Variants in CTNNA2 observed in about 807,000 individuals in gnomAD.
CTNNA2 encodes the protein catenin alpha-2.
A neutral mutation model predicts 101.0 loss-of-function variants in CTNNA2; 42 were observed. The ratio of observed to expected loss-of-function variants is 0.42; its 90% CI spans 0.32 to 0.54. CTNNA2 has a LOEUF of 0.54. Among genes scored for constraint, CTNNA2 ranks in the 20% least tolerant of loss-of-function variants. The pLI, the probability that CTNNA2 is intolerant of heterozygous loss-of-function variation, is 0.14. For synonymous variants in CTNNA2, 450 were observed against 456.4 expected (o/e 0.99, Z 0.18); for missense variants, 871 against 1,223.1 (o/e 0.71, Z 4.29).
At chr2:80,199,181 A>AG (rs1197956448) in intron 7 of CTNNA2, among the ~76,000 whole-genome samples, 2 of 89,960 alleles carry the variant, frequency 2.2e-5, no homozygotes, top group African/African-American at 9.6e-5. Flanking sequence ...ACTCCATCTC[A>AG]GAAAAAAAAA....
At chr2:80,043,636 G>A (rs1696327580) in intron 7 of CTNNA2, among the ~76,000 whole-genome samples, 1 of 152,168 alleles carries the variant, frequency 6.6e-6, no homozygotes, top group African/African-American at 2.4e-5. Context: ...ACCCTTAGAA[G>A]GTTCAGATGG....
intron 4 of CTNNA2, among the ~76,000 whole-genome samples, chr2:79,498,752 G>T (rs887854057): frequency 3.3e-5 from 5 of 152,144 alleles, no homozygotes; most frequent in Admixed American, 1.3e-4. Context: ...GGCTCACGTT[G>T]TATACTAATC....
chr2:80,099,759 A>AT (rs1308965311), intron 7 of CTNNA2, among the ~76,000 whole-genome samples: 1 of 151,628 alleles, frequency 6.6e-6, no homozygotes, highest in Non-Finnish European at 1.5e-5. Context: ...TTCCTTCAAA[A>AT]AAAAAAAAAA....
intron 7 of CTNNA2, among the ~76,000 whole-genome samples, chr2:79,997,155 T>TAACA (rs1558712811): frequency 6.6e-6 from 1 of 152,130 alleles, no homozygotes; most frequent in Non-Finnish European, 1.5e-5. Context: ...GCATCTCTGC[T>TAACA]AACACCCTGG....
chr2:79,858,665 T>C (rs112084580), intron 4 of CTNNA2, among the ~76,000 whole-genome samples: 1 of 152,152 alleles, frequency 6.6e-6, no homozygotes, highest in Non-Finnish European at 1.5e-5. Flanking sequence ...TTTTGAATCA[T>C]ATATTGGCAA....
At chr2:80,007,765 G>A (rs1434322123) in intron 7 of CTNNA2, among the ~76,000 whole-genome samples, 2 of 152,166 alleles carry the variant, frequency 1.3e-5, no homozygotes, top group African/African-American at 2.4e-5. Context: ...GTAAGGGGAG[G>A]TGTATTCACT....
chr2:79,487,673 C>T (rs1043581709), intron 4 of CTNNA2, among the ~76,000 whole-genome samples: 3 of 152,120 alleles, frequency 2.0e-5, no homozygotes, highest in South Asian at 2.1e-4. Context: ...CCATTTAACA[C>T]GATCAGCTCA....
At chr2:80,619,481 C>G (rs1435212914) in intron 18 of CTNNA2, among the ~76,000 whole-genome samples, 4 of 151,836 alleles carry the variant, frequency 2.6e-5, no homozygotes, top group African/African-American at 7.3e-5. Flanking sequence ...TCTTTCTTCC[C>G]ATTGGGACTG....
chr2:79,840,735 TCAGCCCAGGC>T (rs1679731286), intron 3 of CTNNA2, among the ~76,000 whole-genome samples: 1 of 149,824 alleles, frequency 6.7e-6, no homozygotes, highest in Non-Finnish European at 1.5e-5. Context: ...GAGTCTGAGA[TCAGCCCAGGC>T]AGGACAGCGA....
At chr2:79,933,675 G>A (rs956996746) in intron 7 of CTNNA2, among the ~76,000 whole-genome samples, 3 of 151,922 alleles carry the variant, frequency 2.0e-5, no homozygotes, top group Non-Finnish European at 4.4e-5. Context: ...GGCTGGTCTC[G>A]AACTCCTGAC....
At chr2:79,302,044 G>A (rs1417311195) in intron 2 of CTNNA2, among the ~76,000 whole-genome samples, 1 of 152,062 alleles carries the variant, frequency 6.6e-6, no homozygotes, top group Non-Finnish European at 1.5e-5. Context: ...AGTGAGCCGA[G>A]GCTGCACAAC....
At chr2:79,194,780 T>C (rs1673937204) in intron 1 of CTNNA2, among the ~76,000 whole-genome samples, 1 of 152,194 alleles carries the variant, frequency 6.6e-6, no homozygotes, top group Non-Finnish European at 1.5e-5. Context: ...GAAATTTGAG[T>C]GGTTCACAAA....
At chr2:80,285,778 C>A (rs539782051) in intron 7 of CTNNA2, among the ~76,000 whole-genome samples, 115 of 152,278 alleles carry the variant, frequency 7.6e-4, no homozygotes, top group Admixed American at 1.4e-3. Context: ...TGAATTGATA[C>A]AGAATACCAG....
chr2:79,642,676 C>T (rs1194110324), intron 1 of CTNNA2, among the ~76,000 whole-genome samples: 1 of 152,076 alleles, frequency 6.6e-6, no homozygotes, highest in South Asian at 2.1e-4. Flanking sequence ...CTCCCACCTC[C>T]ATTTGGACAT....
Position 79,643,050 on chromosome 2 carries a change from G to C in CTNNA2, c.-5-8502G>C, listed in dbSNP as rs1432987688. Among the ~76,000 whole-genome samples, 5 of 152,142 alleles carry C rather than the reference G, an allele frequency of 3.3e-5. No individual in the cohort carries two copies. In the South Asian group the frequency reaches 8.3e-4, roughly 25 times the overall value. ...TACTAAAAATACAAAAATTAGCTGG[G>C]CATGGTGGCACACGCCTGTAGTCCA... On this transcript the variant is annotated intron_variant, in intron 1 of 18. Coordinates refer to ENST00000402739, the MANE Select transcript of CTNNA2 (RefSeq NM_001282597.3).
At chr2:80,360,072 G>A (rs1208977256) in intron 7 of CTNNA2, among the ~76,000 whole-genome samples, 3 of 152,054 alleles carry the variant, frequency 2.0e-5, no homozygotes, top group Non-Finnish European at 4.4e-5. Flanking sequence ...GCAAAGTTTT[G>A]TAGTTTCTAA....
intron 7 of CTNNA2, among the ~76,000 whole-genome samples, chr2:80,167,539 T>C (rs937368137): frequency 6.6e-6 from 1 of 152,148 alleles, no homozygotes; most frequent in Non-Finnish European, 1.5e-5. Context: ...TTTGAGAGAG[T>C]AAATACAGTG....
At chr2:80,260,455 T>C (rs762182875) in intron 7 of CTNNA2, among the ~76,000 whole-genome samples, 22 of 152,252 alleles carry the variant, frequency 1.4e-4, no homozygotes, top group Middle Eastern at 3.4e-3. Flanking sequence ...TTGACTGAAA[T>C]GGTAAGATCC....
At chr2:79,394,582 A>C (rs1678209849) in intron 4 of CTNNA2, among the ~76,000 whole-genome samples, 1 of 152,178 alleles carries the variant, frequency 6.6e-6, no homozygotes, top group Non-Finnish European at 1.5e-5. Flanking sequence ...GCACACTAAG[A>C]TCAAAATACC....
Sources: gnomAD v4.1 joint callset for allele counts (sites outside exome capture counted in the v4.1 genomes callset) on GRCh38, gnomAD v4.1.1 for gene constraint, MANE v1.5 for transcripts, NCBI Gene and HGNC (gene_info 2026-07-23, HGNC 2026-07-21) for gene names.